Variants in ELOC observed in about 807,000 individuals in gnomAD.
The protein encoded by ELOC is elongin C.
For missense variants in ELOC, 38 were observed against 139.0 expected, an observed-to-expected ratio of 0.27 and a Z score of 3.65; for synonymous variants, 40 against 51.3, an observed-to-expected ratio of 0.78 and a Z score of 0.94.
At chr8:73,957,869 C>T (rs1814304495) in intron 2 of ELOC, among the ~76,000 whole-genome samples, 1 of 152,116 alleles carries the variant, frequency 6.6e-6, no homozygotes, top group South Asian at 2.1e-4. Context: ...ACTTCCACCT[C>T]CCAGGTTCAA....
chr8:73,951,323 C>G (rs1031489495), intron 3 of ELOC, among the ~76,000 whole-genome samples: 1 of 152,010 alleles, frequency 6.6e-6, no homozygotes, highest in African/African-American at 2.4e-5. Context: ...GTGTATTACA[C>G]AGTTCTCTTT....
At chr8:73,964,121 A>T (rs1205535574) in intron 1 of ELOC, among the ~76,000 whole-genome samples, 2 of 136,704 alleles carry the variant, frequency 1.5e-5, no homozygotes, top group Non-Finnish European at 3.2e-5. Flanking sequence ...AAAGTATTAC[A>T]TATAGTAGTG....
rs553337140 is a variant in ELOC at position 73,959,446 on chromosome 8, A to AT, written c.4+318dup. On this transcript the variant is annotated intron_variant, in intron 2 of 3. Transcript: ENST00000520242. ...AAATTGTAATTTTTGTTCTTTTTAA[A>AT]TTTTTTTGTTAAAAACTAAGATACA... Among the ~76,000 whole-genome samples the AT allele has an allele frequency of 1.3e-4, 20 of 152,230 alleles. No individual in the cohort carries two copies. In the South Asian group the frequency reaches 3.3e-3, roughly 25 times the overall value.
intron 1 of ELOC, among the ~76,000 whole-genome samples, chr8:73,961,113 G>C (rs1814561411): frequency 6.6e-6 from 1 of 152,086 alleles, no homozygotes; most frequent in African/African-American, 2.4e-5. Context: ...TTATAAATTT[G>C]ACAAAATAAC....
At chr8:73,959,944 C>G (rs540565991) in intron 1 of ELOC, 126 bp from the exon 2 acceptor site, 1 of 432,730 alleles carries the variant, frequency 2.3e-6, no homozygotes, top group African/African-American at 2.0e-5. Flanking sequence ...ACGAGCTCAC[C>G]ATTCCTACAA....
chr8:73,949,560 T>G (rs1300374571), intron 3 of ELOC, among the ~76,000 whole-genome samples: 2 of 152,178 alleles, frequency 1.3e-5, no homozygotes, highest in Non-Finnish European at 2.9e-5. Flanking sequence ...CTCCTCATCT[T>G]CCCCATCCCC....
At chr8:73,972,220 T>G (rs377291084), upstream of ELOC, 1 of 152,378 alleles carries the variant, frequency 6.6e-6, no homozygotes, top group African/African-American at 2.4e-5. Context: ...AGAGCCGCTT[T>G]CGGCGACGCG....
intron 1 of ELOC, among the ~76,000 whole-genome samples, chr8:73,962,093 A>C (rs1229591283): frequency 1.4e-5 from 2 of 146,796 alleles, no homozygotes. Flanking sequence ...ACGGGGTTTC[A>C]CCATGTTGGC....
chr8:73,961,684 T>C (rs1447983084), intron 1 of ELOC, among the ~76,000 whole-genome samples: 1 of 151,992 alleles, frequency 6.6e-6, no homozygotes, highest in African/African-American at 2.4e-5. Context: ...TGGCTAATTT[T>C]TGTATTTTAG....
intron 3 of ELOC, among the ~76,000 whole-genome samples, chr8:73,947,629 A>G (rs1300740668): frequency 6.6e-6 from 1 of 151,894 alleles, no homozygotes; most frequent in Non-Finnish European, 1.5e-5. Flanking sequence ...GCTGGAGTGC[A>G]GTGGCATGGT....
chr8:73,962,256 A>G (rs929811950), intron 1 of ELOC, among the ~76,000 whole-genome samples: 2 of 152,194 alleles, frequency 1.3e-5, no homozygotes, highest in African/African-American at 4.8e-5. Flanking sequence ...GATGAGAAAC[A>G]CTGGAAGAGT....
intron 1 of ELOC, 144 bp from the exon 2 acceptor site, chr8:73,959,962 A>G (rs1269641928): frequency 2.4e-6 from 1 of 418,864 alleles, no homozygotes; most frequent in Non-Finnish European, 4.2e-6. Context: ...CAACAAAAAC[A>G]CTGTACTTTT....
intron 1 of ELOC, among the ~76,000 whole-genome samples, chr8:73,971,294 G>C (rs1815383612): frequency 6.6e-6 from 1 of 151,502 alleles, no homozygotes; most frequent in Non-Finnish European, 1.5e-5. Context: ...CCAGCTACGT[G>C]GGAGGCTGAG....
At chr8:73,959,501 A>G (rs1039329635) in intron 2 of ELOC, among the ~76,000 whole-genome samples, 10 of 152,260 alleles carry the variant, frequency 6.6e-5, no homozygotes, top group Non-Finnish European at 1.3e-4. Context: ...CTATACAAGG[A>G]CAAGATCATC....
At chr8:73,952,802 A>G (rs1021342424) in intron 3 of ELOC, among the ~76,000 whole-genome samples, 1 of 151,474 alleles carries the variant, frequency 6.6e-6, no homozygotes, top group East Asian at 1.9e-4. Context: ...GGAATGGGAG[A>G]AAATATTAGC....
intron 3 of ELOC, among the ~76,000 whole-genome samples, chr8:73,951,361 T>C (rs972165193): frequency 6.6e-6 from 1 of 151,840 alleles, no homozygotes; most frequent in Admixed American, 6.6e-5. Flanking sequence ...AAAATCTCCA[T>C]AGTAAAAACA....
chr8:73,947,815 T>G (rs1192988140), intron 3 of ELOC, among the ~76,000 whole-genome samples: 3 of 151,956 alleles, frequency 2.0e-5, no homozygotes, highest in Non-Finnish European at 4.4e-5. Context: ...ACTCAAGTGA[T>G]CCCCCTGCCT....
At chr8:73,965,823 C>T (rs1193978837) in intron 1 of ELOC, among the ~76,000 whole-genome samples, 1 of 152,034 alleles carries the variant, frequency 6.6e-6, no homozygotes, top group Admixed American at 6.6e-5. Flanking sequence ...TAAAATTAAC[C>T]CAAATTTTCT....
chr8:73,960,190 C>A (rs183148141), intron 1 of ELOC, among the ~76,000 whole-genome samples: 1 of 152,022 alleles, frequency 6.6e-6, no homozygotes, highest in East Asian at 1.9e-4. Flanking sequence ...ACATAATTAT[C>A]GAGAAAAAAC....
Sources: allele counts gnomAD v4.1 joint callset (sites outside exome capture counted in the v4.1 genomes callset), GRCh38; gene constraint gnomAD v4.1.1; transcripts MANE v1.5; gene names NCBI Gene and HGNC (gene_info 2026-07-23, HGNC 2026-07-21).